Variants in MIPEP observed in about 807,000 individuals in gnomAD.
MIPEP encodes mitochondrial intermediate peptidase.
Under a neutral mutation model 90.3 loss-of-function variants are expected in MIPEP, and 79 were observed. That is an observed-to-expected ratio of 0.87 (90% confidence interval 0.73 to 1.05). The LOEUF is 1.05. Ranked by LOEUF, MIPEP falls within the 50% of genes least tolerant of loss-of-function variation. The probability of loss-of-function intolerance (pLI) is 0.00; values close to 1 mark genes in which losing one functional copy is unlikely to be tolerated. For synonymous variants in MIPEP, 334 were observed against 315.8 expected (o/e 1.06, Z -0.61); for missense variants, 940 against 905.6 (o/e 1.04, Z -0.49).
At chr13:23,881,839 T>C in intron 2 of MIPEP, 52 bp from the exon 3 acceptor site, 1 of 1,415,964 alleles carries the variant, frequency 7.1e-7, no homozygotes, top group Non-Finnish European at 9.9e-7. Context: ...GAAGCTTTCT[T>C]CCAGGATCTG....
At chr13:23,836,398 T>G in intron 13 of MIPEP, 49 bp from the exon 14 acceptor site, 3 of 1,124,084 alleles carry the variant, frequency 2.7e-6, no homozygotes, top group Non-Finnish European at 3.7e-6. Flanking sequence ...TCAATATATT[T>G]ATCTACTTTT....
At chr13:23,847,459 C>A (rs1341145553) in intron 10 of MIPEP, among the ~76,000 whole-genome samples, 2 of 55,250 alleles carry the variant, frequency 3.6e-5, no homozygotes, top group Non-Finnish European at 3.7e-5. Flanking sequence ...ATCTCAAATC[C>A]AAGCTAAAAA....
chr13:23,749,823 G>C (rs1001254486), intron 18 of MIPEP, among the ~76,000 whole-genome samples: 1 of 152,208 alleles, frequency 6.6e-6, no homozygotes, highest in South Asian at 2.1e-4. Context: ...ACTGTAATTG[G>C]TTTCTCATAG....
intron 16 of MIPEP, among the ~76,000 whole-genome samples, chr13:23,800,057 C>T (rs1457171385): frequency 2.0e-5 from 3 of 152,220 alleles, no homozygotes; most frequent in African/African-American, 7.2e-5. Context: ...ACTCTGAGAA[C>T]AGCTGTGCTG....
intron 16 of MIPEP, among the ~76,000 whole-genome samples, chr13:23,801,143 T>C (rs545846103): frequency 6.6e-6 from 1 of 152,352 alleles, no homozygotes; most frequent in Non-Finnish European, 1.5e-5. Context: ...AAACAATTTC[T>C]GGAGACAAGT....
intron 16 of MIPEP, among the ~76,000 whole-genome samples, chr13:23,804,839 C>T (rs980729064): frequency 3.3e-5 from 5 of 152,204 alleles, no homozygotes; most frequent in Non-Finnish European, 5.9e-5. Flanking sequence ...AACCACTTGA[C>T]ATTTATTCTG....
At chr13:23,735,422 A>C (rs557605629) in intron 18 of MIPEP, among the ~76,000 whole-genome samples, 1 of 152,298 alleles carries the variant, frequency 6.6e-6, no homozygotes, top group East Asian at 1.9e-4. Context: ...TTTATAACTA[A>C]ATGACTGGAA....
intron 14 of MIPEP, among the ~76,000 whole-genome samples, chr13:23,830,976 A>G (rs1275993263): frequency 6.6e-6 from 1 of 152,096 alleles, no homozygotes; most frequent in African/African-American, 2.4e-5. Flanking sequence ...CAGTTTCTGT[A>G]GGGGTGGAGG....
intron 14 of MIPEP, among the ~76,000 whole-genome samples, chr13:23,822,129 G>A (rs776911343): frequency 2.0e-5 from 3 of 152,192 alleles, no homozygotes; most frequent in East Asian, 3.8e-4. Context: ...ATCAAACATC[G>A]TGGGTGGTTT....
chr13:23,751,640 T>C (rs893081173), intron 18 of MIPEP, among the ~76,000 whole-genome samples: 2 of 152,232 alleles, frequency 1.3e-5, no homozygotes, highest in Non-Finnish European at 2.9e-5. Flanking sequence ...ATCCTTTCCC[T>C]TCCCCTCCCC....
At chr13:23,762,198 C>T (rs1434417643) in intron 16 of MIPEP, among the ~76,000 whole-genome samples, 1 of 151,478 alleles carries the variant, frequency 6.6e-6, no homozygotes, top group Non-Finnish European at 1.5e-5. Context: ...ACCATGATAA[C>T]AACACTCTTT....
Position 23,839,669 on chromosome 13 carries a change from G to A in MIPEP, c.1318C>T (p.Arg440Ter), listed in dbSNP as rs374193650. 1.6e-5 allele frequency: 25 copies of A among 1,612,122 alleles called. No homozygotes were observed. Among genetic ancestry groups the A allele is most frequent in the South Asian group, 5.5e-5 (5 of 90,750 alleles). ...LGYIYCDFFQ[R>*]ADKPHQDCHF... Reference sequence around the variant, plus strand: ...ATCACCTGATGTGGTTTGTCTGCTCGCTGAAAAAAATCACAGTAAATGTAC... The same window carrying A: ...ATCACCTGATGTGGTTTGTCTGCTCACTGAAAAAAATCACAGTAAATGTAC... The change falls in exon 12 of 19, where the codon CGA (arginine) becomes TGA (stop). Residue 440 changes from arginine (R) to a stop codon, truncating the protein, a stop_gained. Coordinates refer to ENST00000382172, the MANE Select transcript of MIPEP (RefSeq NM_005932.4). LOFTEE classifies it high-confidence loss of function.
intron 13 of MIPEP, among the ~76,000 whole-genome samples, chr13:23,837,050 C>T (rs1869085284): frequency 6.6e-6 from 1 of 152,158 alleles, no homozygotes; most frequent in Admixed American, 6.5e-5. Flanking sequence ...TCTGTAATAT[C>T]ACAAAATATA....
chr13:23,888,973 G>A (rs1481564996), intron 1 of MIPEP, 159 bp downstream of exon 1: 4 of 672,972 alleles, frequency 5.9e-6, no homozygotes, highest in Non-Finnish European at 6.5e-6. Context: ...AGGTGACCTT[G>A]CCCTCATCGA....
At chr13:23,875,305 T>C (rs192612123) in intron 4 of MIPEP, among the ~76,000 whole-genome samples, 1 of 152,216 alleles carries the variant, frequency 6.6e-6, no homozygotes, top group Admixed American at 6.5e-5. Context: ...TTATTTCAAC[T>C]CAATCCAAAT....
chr13:23,734,443 A>G (rs530884121), intron 18 of MIPEP, among the ~76,000 whole-genome samples: 49 of 152,352 alleles, frequency 3.2e-4, no homozygotes, highest in African/African-American at 1.2e-3. Flanking sequence ...AGACTGAGTC[A>G]AGGAAACTTA....
At chr13:23,840,496 A>C (rs965062707) in intron 11 of MIPEP, among the ~76,000 whole-genome samples, 2 of 152,156 alleles carry the variant, frequency 1.3e-5, no homozygotes, top group Non-Finnish European at 2.9e-5. Flanking sequence ...CTCCTCTTAT[A>C]AATTTTTCTT....
At position 23,804,174 on chromosome 13, in the gene MIPEP, G is replaced by A. The variant is rs116653210; in HGVS notation, c.1848+1776C>T. Among the ~76,000 whole-genome samples, 620 of 152,258 alleles carry A rather than the reference G, an allele frequency of 4.1e-3. 2 individuals carry two copies. Among genetic ancestry groups the A allele is most frequent in the African/African-American group, 0.014 (600 of 41,550 alleles). ...ACAGAGAAGAAATCTGGATGGTAAG[G>A]AAGTTTTCTTTTAAAAAGAGACATA... On this transcript the variant is annotated intron_variant, in intron 16 of 18. Transcript: ENST00000382172.
At chr13:23,881,569 CT>C in intron 3 of MIPEP, 129 bp downstream of exon 3, 1 of 758,706 alleles carries the variant, frequency 1.3e-6, no homozygotes, top group East Asian at 2.7e-5. Context: ...CCGGCCACCC[CT>C]GGTCACACAC....
Sources: allele counts gnomAD v4.1 joint callset (sites outside exome capture counted in the v4.1 genomes callset), GRCh38; gene constraint gnomAD v4.1.1; transcripts MANE v1.5; gene names NCBI Gene and HGNC (gene_info 2026-07-23, HGNC 2026-07-21).